The following PIGF variants were observed in gnomAD, a reference collection of about 807,000 sequenced individuals.
The protein encoded by PIGF is GPI ethanolamine phosphate transferase, stabilizing subunit.
Under a neutral mutation model 26.0 loss-of-function variants are expected in PIGF, and 23 were observed. That is an observed-to-expected ratio of 0.88 (90% CI 0.64 to 1.25). The LOEUF (loss-of-function observed/expected upper bound fraction) is 1.25. PIGF is among the 50% of genes most tolerant of loss of function. The pLI is 0.00. For missense variants in PIGF, 278 were observed against 249.9 expected (o/e 1.11, Z -0.76); for synonymous variants, 93 against 92.6 (o/e 1.00, Z -0.03).
intron 4 of PIGF, among the ~76,000 whole-genome samples, chr2:46,594,846 T>C (rs1013507494): frequency 2.0e-5 from 3 of 150,338 alleles, no homozygotes; most frequent in African/African-American, 7.4e-5. Flanking sequence ...CACCGTTTTT[T>C]TTTTTGTTTG....
At chr2:46,609,307 G>C (rs936349165) in intron 4 of PIGF, among the ~76,000 whole-genome samples, 2 of 152,234 alleles carry the variant, frequency 1.3e-5, no homozygotes, top group African/African-American at 4.8e-5. Flanking sequence ...GAAATGAAGA[G>C]AGTGAGAGGC....
chr2:46,613,129 C>T (rs1670481183), intron 3 of PIGF, among the ~76,000 whole-genome samples: 1 of 151,736 alleles, frequency 6.6e-6, no homozygotes, highest in South Asian at 2.1e-4. Context: ...CTCATTTCAC[C>T]ATGATCATTA....
chr2:46,588,144 A>C lies in PIGF; in HGVS notation c.546+4331T>G. 6.2e-7 allele frequency: 1 copy of C among 1,613,060 alleles called. No homozygotes were observed. The highest frequency in any genetic ancestry group is 1.3e-5 in the African/African-American group (1 of 74,972). On this transcript the variant is annotated intron_variant, in intron 5 of 5. Transcript: ENST00000281382. This position sits in a 1 kb window ranked among gnomAD's most constrained non-coding sequence, Gnocchi z 4.1. ...CAAGCCCCCTGCAGGGTACATGGAG[A>C]GATCTATAAGTGCTACGTTTTCTTT...
Position 46,592,530 on chromosome 2 carries a change from A to G in PIGF, c.491T>C (p.Val164Ala), listed in dbSNP as rs1558701691. Residue 164 changes from valine (V) to alanine (A), a missense_variant, in exon 5 of 6, where the codon GTA becomes GCA. Coordinates refer to ENST00000281382, the MANE Select transcript of PIGF (RefSeq NM_002643.4). ...AGGAAGTGCTCCAAGCCATGCTCCTACAAAGCTAGAAATTGTAGTGATCTG... is the reference window on the plus strand; with the variant it reads ...AGGAAGTGCTCCAAGCCATGCTCCTGCAAAGCTAGAAATTGTAGTGATCTG... ...SLQITTISSFVGAWLGALPIP... is the reference protein window; with the variant it reads ...SLQITTISSFAGAWLGALPIP... The G allele has an allele frequency of 6.2e-7, 1 of 1,610,998 alleles. No individual in the cohort carries two copies.
chr2:46,583,014 A>T (rs958715099), intron 5 of PIGF: 1 of 152,174 alleles, frequency 6.6e-6, no homozygotes, highest in African/African-American at 2.4e-5. Flanking sequence ...GCTTATTTTT[A>T]GATAAAATTG....
chr2:46,598,377 T>C (rs185459169), intron 4 of PIGF, among the ~76,000 whole-genome samples: 2 of 152,296 alleles, frequency 1.3e-5, no homozygotes, highest in South Asian at 4.1e-4. Flanking sequence ...TAAAACACCA[T>C]GTATGTAATG....
rs1373745763 is a variant in PIGF at position 46,589,389 on chromosome 2, T to C, written c.546+3086A>G. ...ATGCTTGAAACAGCTCATTACAGAA[T>C]CCACATCACTATAATCTTATGCTTG... is the stretch of plus-strand genomic sequence containing the variant. On this transcript the variant is annotated intron_variant, in intron 5 of 5. Transcript: ENST00000281382. The surrounding 1 kb of genome is among the most constrained non-coding windows in gnomAD (Gnocchi z 4.7). 6.6e-6 allele frequency among the ~76,000 whole-genome samples: 1 copy of C among 151,966 alleles called. No homozygotes were observed. The highest frequency in any genetic ancestry group is 1.9e-4 in the East Asian group (1 of 5,200).
intron 4 of PIGF, among the ~76,000 whole-genome samples, chr2:46,607,190 C>T (rs374804901): frequency 6.6e-6 from 1 of 152,210 alleles, no homozygotes; most frequent in Admixed American, 6.5e-5. Context: ...CCTCAGTTTA[C>T]TACGTGTCAT....
At chr2:46,587,784 C>G (rs984615971) in intron 5 of PIGF, among the ~76,000 whole-genome samples, 1 of 151,956 alleles carries the variant, frequency 6.6e-6, no homozygotes, top group Non-Finnish European at 1.5e-5. Context: ...AAATTACGGC[C>G]TAAAATACAG....
At chr2:46,592,885 G>T (rs1669764437) in intron 4 of PIGF, among the ~76,000 whole-genome samples, 1 of 152,020 alleles carries the variant, frequency 6.6e-6, no homozygotes, top group Admixed American at 6.6e-5. Context: ...TTCCCCACAG[G>T]CAACTGCTAT....
intron 5 of PIGF, among the ~76,000 whole-genome samples, chr2:46,584,667 G>A (rs1669509686): frequency 6.6e-6 from 1 of 152,144 alleles, no homozygotes; most frequent in South Asian, 2.1e-4. Context: ...TTAAAATGTG[G>A]ACTGGCTTTG....
chr2:46,592,762 A>C (rs1038438849), intron 4 of PIGF, among the ~76,000 whole-genome samples, 179 bp from the exon 5 acceptor site: 1 of 152,260 alleles, frequency 6.6e-6, no homozygotes, highest in Non-Finnish European at 1.5e-5. Context: ...AAGAAGATGT[A>C]AATGTTTTCC....
intron 5 of PIGF, chr2:46,591,840 T>A (rs368306062): frequency 3.1e-6 from 4 of 1,302,508 alleles, no homozygotes; most frequent in Non-Finnish European, 4.0e-6. Flanking sequence ...CTTTATCTTA[T>A]TGTGATACAA....
intron 5 of PIGF, among the ~76,000 whole-genome samples, chr2:46,587,842 G>T (rs899416494): frequency 2.6e-5 from 4 of 152,150 alleles, no homozygotes; most frequent in African/African-American, 4.8e-5. Context: ...TGTGGGGAAA[G>T]AAATGAAATA....
chr2:46,615,845 C>T (rs1488775148), intron 1 of PIGF: 3 of 151,950 alleles, frequency 2.0e-5, no homozygotes, highest in Non-Finnish European at 2.9e-5. Context: ...TAAATTCCAA[C>T]CAAAAGTAGA....
intron 4 of PIGF, among the ~76,000 whole-genome samples, chr2:46,601,134 T>C (rs935383440): frequency 6.6e-6 from 1 of 152,120 alleles, no homozygotes; most frequent in African/African-American, 2.4e-5. Context: ...GACATTGATG[T>C]ACTCTCATTT....
At chr2:46,603,967 G>A (rs1038039666) in intron 4 of PIGF, among the ~76,000 whole-genome samples, 19 of 151,774 alleles carry the variant, frequency 1.3e-4, no homozygotes, top group African/African-American at 4.6e-4. Context: ...ATCTAACAAA[G>A]GGTTAATAAC....
intron 4 of PIGF, among the ~76,000 whole-genome samples, chr2:46,609,200 G>A (rs1670321755): frequency 6.6e-6 from 1 of 152,238 alleles, no homozygotes; most frequent in Admixed American, 6.5e-5. Context: ...GCACTTTTAT[G>A]TGATGGCGAT....
At position 46,601,655 on chromosome 2, in the gene PIGF, C is replaced by T. The variant is rs114619068; in HGVS notation, c.438-9072G>A. ...TGCCTCTTTGCCACTAAATTTTTTGCCCACATTTATACTAAATTATCTACT... is the reference window on the plus strand; with the variant it reads ...TGCCTCTTTGCCACTAAATTTTTTGTCCACATTTATACTAAATTATCTACT... On this transcript the variant is annotated intron_variant, in intron 4 of 5. Transcript: ENST00000281382. 3.1e-3 allele frequency among the ~76,000 whole-genome samples: 478 copies of T among 152,126 alleles called. 4 individuals are homozygous for T. Among genetic ancestry groups the T allele is most frequent in the African/African-American group, 0.011 (446 of 41,550 alleles).
Sources: gnomAD v4.1 joint callset for allele counts (sites outside exome capture counted in the v4.1 genomes callset) on GRCh38, gnomAD v4.1.1 for gene constraint, Gnocchi (gnomAD v3.1) non-coding constraint, MANE v1.5 for transcripts, NCBI Gene and HGNC (gene_info 2026-07-23, HGNC 2026-07-21) for gene names.